The following MYO18B variants were observed in gnomAD, a reference collection of about 807,000 sequenced individuals.
MYO18B encodes the protein myosin XVIIIB.
MYO18B carries 204 observed loss-of-function variants against 273.0 expected under a neutral mutation model. That is an observed-to-expected ratio of 0.75 (90% CI 0.67 to 0.84). The LOEUF (loss-of-function observed/expected upper bound fraction) is 0.84. Ranked by LOEUF, MYO18B falls within the 40% of genes least tolerant of loss-of-function variation. The pLI is 0.00. For missense variants in MYO18B, 3,212 were observed against 3,287.6 expected (o/e 0.98, Z 0.56); for synonymous variants, 1,330 against 1,305.7 (o/e 1.02, Z -0.40).
chr22:25,926,237 T>C (rs1224170982), intron 34 of MYO18B, among the ~76,000 whole-genome samples: 2 of 151,620 alleles, frequency 1.3e-5, no homozygotes, highest in African/African-American at 4.8e-5. Flanking sequence ...AATTAGAACA[T>C]GTTCTGCGAC....
rs4822667 is a variant in MYO18B at position 25,877,869 on chromosome 22, G to T, written c.4225-90G>T. 0.46 allele frequency: 445,752 copies of T among 972,664 alleles called. 104,148 individuals carry two copies. Among genetic ancestry groups the T allele is most frequent in the Admixed American group, 0.62 (27,190 of 43,914 alleles). 60.3% of individuals were successfully genotyped at this position (972,664 alleles called of 1,614,324 possible). A position where few individuals can be genotyped will look rare whatever the true frequency, so the allele number is the denominator to read the frequency against. ...ATTGCTAAGGTTTATTCCTCCTAAC[G>T]GAAACTTTGTGCCGTTTGCTCACTC... On this transcript the variant is annotated intron_variant, in intron 24 of 43. Coordinates refer to ENST00000335473, the MANE Select transcript of MYO18B (RefSeq NM_032608.7).
intron 11 of MYO18B, among the ~76,000 whole-genome samples, chr22:25,787,309 C>CACACAG (rs57856007): frequency 0.13 from 19,110 of 144,580 alleles, 1,567 homozygotes; most frequent in East Asian, 0.35. Context: ...CACACACACA[C>CACACAG]AGTCTGTCTT....
At chr22:25,783,052 T>C (rs1205936498) in intron 10 of MYO18B, among the ~76,000 whole-genome samples, 1 of 152,172 alleles carries the variant, frequency 6.6e-6, no homozygotes, top group African/African-American at 2.4e-5. Flanking sequence ...TATCCCAGTG[T>C]TGTGGTGAGG....
At chr22:25,859,993 T>A (rs2090684152) in intron 21 of MYO18B, among the ~76,000 whole-genome samples, 1 of 152,212 alleles carries the variant, frequency 6.6e-6, no homozygotes, top group South Asian at 2.1e-4. Context: ...TTTGATCTAT[T>A]GTGTGTTAAT....
In MYO18B at chr22:25,992,352, T is replaced by A. The variant is rs144850170; in HGVS notation, c.6157-11T>A. ...CCAAGGCCAACGTGTGTTTGCATCT[T>A]CTGTCCCCAGGAGAAGTACGTGGAG... On this transcript the variant is annotated splice_polypyrimidine_tract_variant and intron_variant, in intron 39 of 43. Transcript: ENST00000335473. 1.1e-4 allele frequency: 178 copies of A among 1,613,458 alleles called. 2 individuals are homozygous for A. In the Middle Eastern group the frequency reaches 1.3e-3, roughly 12 times the overall value.
chr22:25,807,980 T>C (rs2088560496), intron 12 of MYO18B, among the ~76,000 whole-genome samples: 1 of 152,088 alleles, frequency 6.6e-6, no homozygotes, highest in Non-Finnish European at 1.5e-5. Flanking sequence ...AAGTAAGAGT[T>C]AGATTTTAAA....
chr22:25,898,219 C>T, intron 28 of MYO18B, 88 bp from the exon 29 acceptor site: 1 of 1,455,376 alleles, frequency 6.9e-7, no homozygotes. Context: ...TCATTACACA[C>T]CTTGGAAATA....
intron 1 of MYO18B, among the ~76,000 whole-genome samples, chr22:25,758,096 C>T (rs1274220155): frequency 6.6e-6 from 1 of 152,170 alleles, no homozygotes; most frequent in African/African-American, 2.4e-5. Context: ...TTACTGCAAC[C>T]TCCGCCTCCC....
rs2146282680 is a variant in MYO18B at position 25,891,462 on chromosome 22, T to C, written c.4543+50T>C. 5 of 1,267,446 alleles carry C rather than the reference T, an allele frequency of 3.9e-6. No individual in the cohort carries two copies. The East Asian group carries it at 1.3e-4, about 32-fold the overall frequency. 78.5% of individuals were successfully genotyped at this position (1,267,446 alleles called of 1,614,324 possible). A position where few individuals can be genotyped will look rare whatever the true frequency, so the allele number is the denominator to read the frequency against. On this transcript the variant is annotated intron_variant, in intron 27 of 43. Transcript: ENST00000335473. The stretch of plus-strand genomic sequence containing the variant: ...CTGGAAGGTGATGGACAAAGTTGTC[T>C]TTCCCATTTATTCAGTCACTCATAG...
chr22:26,036,191 G>A, the MYO18B span, among the ~76,000 whole-genome samples: 1 of 152,224 alleles, frequency 6.6e-6, no homozygotes, highest in Non-Finnish European at 1.5e-5. Context: ...GCTGTCTTCA[G>A]AAGGTGATGG....
rs976127647 is a variant in MYO18B, at chr22:25,920,259, G to A, written c.5365-998G>A. Among the ~76,000 whole-genome samples, 5 of 152,160 alleles carry A rather than the reference G, an allele frequency of 3.3e-5. No homozygotes were observed. The South Asian group carries it at 6.2e-4, about 19-fold the overall frequency. On this transcript the variant is annotated intron_variant, in intron 33 of 43. Coordinates refer to ENST00000335473, the MANE Select transcript of MYO18B (RefSeq NM_032608.7). Reference sequence around the variant, plus strand: ...AACTCCCCATCTGATGGACAGGCCCGTATTGTATCGTCTGGTCTCCTGAAG... The same window carrying A: ...AACTCCCCATCTGATGGACAGGCCCATATTGTATCGTCTGGTCTCCTGAAG...
intron 42 of MYO18B, among the ~76,000 whole-genome samples, chr22:26,006,958 A>G (rs1934480872): frequency 6.6e-6 from 1 of 152,166 alleles, no homozygotes; most frequent in Admixed American, 6.5e-5. Flanking sequence ...CCATGCATAG[A>G]TGGTCTTACA....
chr22:25,981,808 A>G (rs2093151438), intron 39 of MYO18B, among the ~76,000 whole-genome samples: 1 of 152,188 alleles, frequency 6.6e-6, no homozygotes, highest in Admixed American at 6.5e-5. Flanking sequence ...TCTCTCTTGG[A>G]TCACTTGCTA....
At chr22:25,759,233 G>A (rs186945427) in intron 1 of MYO18B, among the ~76,000 whole-genome samples, 4 of 152,282 alleles carry the variant, frequency 2.6e-5, no homozygotes, top group African/African-American at 7.2e-5. Flanking sequence ...ATATACACAT[G>A]TATGTTTATT....
At chr22:25,806,544 C>A (rs113540987) in intron 12 of MYO18B, among the ~76,000 whole-genome samples, 3 of 152,202 alleles carry the variant, frequency 2.0e-5, no homozygotes, top group Admixed American at 2.0e-4. Flanking sequence ...CGGGAGGGGG[C>A]TCTGAGGGCT....
intron 39 of MYO18B, among the ~76,000 whole-genome samples, chr22:25,972,867 A>G (rs2093050339): frequency 6.6e-6 from 1 of 151,692 alleles, no homozygotes. Flanking sequence ...GAGGCATGAG[A>G]ATTGGTTGAA....
chr22:25,774,369 G>T (rs982229147), intron 7 of MYO18B, among the ~76,000 whole-genome samples: 3 of 152,154 alleles, frequency 2.0e-5, no homozygotes, highest in African/African-American at 7.2e-5. Context: ...GCAGCCCAAG[G>T]CCTCTGAGCT....
intron 42 of MYO18B, among the ~76,000 whole-genome samples, chr22:26,015,279 C>T (rs1299246608): frequency 2.0e-5 from 3 of 152,122 alleles, no homozygotes; most frequent in African/African-American, 7.2e-5. Flanking sequence ...AACCATTTGA[C>T]CCAGCAATCC....
rs750450274 is a variant in MYO18B at position 25,763,251 on chromosome 22, C to G, written c.60C>G (p.Ser20Arg). Reference protein sequence around the residue: ...WEQKIREEDKSPPPSSPPPLF... With the variant: ...WEQKIREEDKRPPPSSPPPLF... ...AACAGATTCGGGAAGAGGACAAGAG[C>G]CCTCCACCATCCTCGCCCCCTCCTC... The change falls in exon 3 of 44, where the codon AGC becomes AGG. Residue 20 changes from serine to arginine, a missense_variant. Transcript: ENST00000335473. 1 of 1,610,534 alleles carries G rather than the reference C, an allele frequency of 6.2e-7. No individual in the cohort carries two copies. Among genetic ancestry groups the G allele is most frequent in the Non-Finnish European group, 8.5e-7 (1 of 1,177,878 alleles).
Sources: allele counts gnomAD v4.1 joint callset (sites outside exome capture counted in the v4.1 genomes callset), GRCh38; gene constraint gnomAD v4.1.1; transcripts MANE v1.5; gene names NCBI Gene and HGNC (gene_info 2026-07-23, HGNC 2026-07-21).